The following USP13 variants were observed in gnomAD, a reference collection of about 807,000 sequenced individuals.
The protein encoded by USP13 is ubiquitin carboxyl-terminal hydrolase 13.
In USP13, 68 loss-of-function variants were observed where a neutral mutation model predicts 107.8. The ratio of observed to expected loss-of-function variants is 0.63; its 90% confidence interval spans 0.52 to 0.77. USP13 has a LOEUF of 0.77. Among genes scored for constraint, USP13 ranks in the 30% least tolerant of loss-of-function variants. The pLI, the probability that USP13 is intolerant of heterozygous loss-of-function variation, is 0.00. For missense variants in USP13, 945 were observed against 1,093.3 expected (o/e 0.86, Z 1.91); for synonymous variants, 377 against 389.5 (o/e 0.97, Z 0.38).
At chr3:179,724,704 A>G (rs1713452219) in intron 8 of USP13, among the ~76,000 whole-genome samples, 1 of 152,254 alleles carries the variant, frequency 6.6e-6, no homozygotes, top group Admixed American at 6.5e-5. Flanking sequence ...GTAGATTGCT[A>G]GATAGCAAAA....
At position 179,721,362 on chromosome 3, in the gene USP13, T is replaced by A; in HGVS notation, c.901-40T>A. 6.3e-7 allele frequency: 1 copy of A among 1,591,356 alleles called. No homozygotes were observed. The highest frequency in any genetic ancestry group is 8.6e-7 in the Non-Finnish European group (1 of 1,166,310). On this transcript the variant is annotated intron_variant, in intron 7 of 20. Transcript: ENST00000263966. The surrounding 1 kb of genome is among the most constrained non-coding windows in gnomAD (Gnocchi z 4.3). ...ACGGGACATGACCTTTGAATGGGAA[T>A]CACATTTAAAGTTGTTTTTCTTCGA...
At chr3:179,714,686 G>A (rs528322126) in intron 6 of USP13, among the ~76,000 whole-genome samples, 1 of 152,208 alleles carries the variant, frequency 6.6e-6, no homozygotes, top group East Asian at 1.9e-4. Context: ...CCAGGAGTTT[G>A]AGACCAGCCT....
chr3:179,674,854 A>G (rs1012580334), intron 1 of USP13, among the ~76,000 whole-genome samples: 2 of 151,994 alleles, frequency 1.3e-5, no homozygotes, highest in South Asian at 4.1e-4. Flanking sequence ...GGTTGTGAGG[A>G]TGTGATGGTT....
At chr3:179,712,940 T>C (rs1712981561) in intron 6 of USP13, among the ~76,000 whole-genome samples, 1 of 152,196 alleles carries the variant, frequency 6.6e-6, no homozygotes, top group African/African-American at 2.4e-5. Flanking sequence ...CTGAATATTT[T>C]TCTTAGTATT....
chr3:179,746,818 G>A (rs1453890659), intron 13 of USP13, among the ~76,000 whole-genome samples: 1 of 152,086 alleles, frequency 6.6e-6, no homozygotes, highest in African/African-American at 2.4e-5. Context: ...GCCCTCCTCA[G>A]CCTCCCAAAG....
Position 179,783,186 on chromosome 3 carries a change from A to G in USP13, c.2499-862A>G, listed in dbSNP as rs79959470. ...GCTTAATTATAATTTTAAAAGCAAT[A>G]AAATTCATAGTAAATAATTTATAAA... On this transcript the variant is annotated intron_variant, in intron 20 of 20. Coordinates refer to ENST00000263966, the MANE Select transcript of USP13 (RefSeq NM_003940.3). 3.9e-3 allele frequency among the ~76,000 whole-genome samples: 598 copies of G among 152,332 alleles called. 14 individuals carry two copies. In the East Asian group the frequency reaches 0.044, roughly 11 times the overall value.
chr3:179,676,657 A>G (rs1389300280), intron 1 of USP13, among the ~76,000 whole-genome samples: 1 of 152,178 alleles, frequency 6.6e-6, no homozygotes, highest in Non-Finnish European at 1.5e-5. Context: ...TTTAGGTATT[A>G]ATAGGGCAAG....
intron 6 of USP13, among the ~76,000 whole-genome samples, chr3:179,717,428 A>G (rs1713146655): frequency 6.6e-6 from 1 of 152,198 alleles, no homozygotes; most frequent in Non-Finnish European, 1.5e-5. Flanking sequence ...TGGAGCAGTT[A>G]ATGGCTGGAG....
At chr3:179,713,671 T>C (rs967285800) in intron 6 of USP13, among the ~76,000 whole-genome samples, 17 of 152,290 alleles carry the variant, frequency 1.1e-4, no homozygotes, top group African/African-American at 3.1e-4. Context: ...GAGCCACAAC[T>C]GCCAGTAAGT....
At chr3:179,681,760 T>C in intron 1 of USP13, 118 bp from the exon 2 acceptor site, 1 of 1,324,754 alleles carries the variant, frequency 7.5e-7, no homozygotes, top group Admixed American at 2.2e-5. Flanking sequence ...AGCAGGAGCC[T>C]CGGTGGCCCT....
intron 3 of USP13, among the ~76,000 whole-genome samples, chr3:179,693,726 T>C (rs560965239): frequency 9.9e-5 from 15 of 152,118 alleles, no homozygotes; most frequent in Non-Finnish European, 2.2e-4. Context: ...CAGGTTGGTG[T>C]GTAGTGGTGT....
At chr3:179,754,707 G>A (rs1714726258) in intron 14 of USP13, 25 bp from the exon 15 acceptor site, 3 of 1,609,228 alleles carry the variant, frequency 1.9e-6, no homozygotes, top group Non-Finnish European at 2.5e-6. Flanking sequence ...AGAGCCCAGT[G>A]GATATAATCT....
intron 19 of USP13, among the ~76,000 whole-genome samples, chr3:179,776,579 T>G (rs1715546366): frequency 1.3e-5 from 2 of 151,940 alleles, no homozygotes; most frequent in Admixed American, 6.5e-5. Context: ...GGAGGAGAAA[T>G]GTTAGTTTCA....
chr3:179,782,991 C>T (rs528625619), intron 20 of USP13, among the ~76,000 whole-genome samples: 3 of 152,222 alleles, frequency 2.0e-5, no homozygotes, highest in African/African-American at 4.8e-5. Context: ...GTGATCCACC[C>T]GCCTTGGCCT....
intron 19 of USP13, among the ~76,000 whole-genome samples, chr3:179,775,905 A>G (rs1217913831): frequency 6.6e-6 from 1 of 151,898 alleles, no homozygotes; most frequent in African/African-American, 2.4e-5. Flanking sequence ...AGCTGGCTCC[A>G]CTCTCAGCCA....
intron 1 of USP13, among the ~76,000 whole-genome samples, chr3:179,673,443 A>G (rs999351956): frequency 7.2e-5 from 11 of 152,180 alleles, no homozygotes; most frequent in African/African-American, 2.2e-4. Context: ...GGATTCAGCA[A>G]TAAATGATAC....
intron 15 of USP13, 73 bp from the exon 16 acceptor site, chr3:179,756,979 A>C (rs3732992): frequency 1.3e-6 from 2 of 1,542,038 alleles, no homozygotes; most frequent in Non-Finnish European, 1.8e-6. Flanking sequence ...GCCCTGGATC[A>C]ATGGGTTTTC....
intron 16 of USP13, among the ~76,000 whole-genome samples, chr3:179,757,350 C>T (rs545023461): frequency 6.6e-6 from 1 of 152,158 alleles, no homozygotes; most frequent in Admixed American, 6.5e-5. Flanking sequence ...AATTTACTTA[C>T]CTTCTCTGAG....
chr3:179,678,069 G>A lies in USP13; in HGVS notation c.169-3809G>A, dbSNP rs1475629943. On this transcript the variant is annotated intron_variant, in intron 1 of 20. Coordinates refer to ENST00000263966, the MANE Select transcript of USP13 (RefSeq NM_003940.3). The surrounding 1 kb of genome is among the most constrained non-coding windows in gnomAD (Gnocchi z 4.2). ...TTATAGAGGAGAACACTGGAGCTCA[G>A]AGCCCTATATGGCAGCCTGCCTTAG... 6.6e-6 allele frequency among the ~76,000 whole-genome samples: 1 copy of A among 152,146 alleles called. No individual in the cohort carries two copies. Among genetic ancestry groups the A allele is most frequent in the Admixed American group, 6.5e-5 (1 of 15,274 alleles).
Sources: gnomAD v4.1 joint callset for allele counts (sites outside exome capture counted in the v4.1 genomes callset) on GRCh38, gnomAD v4.1.1 for gene constraint, Gnocchi (gnomAD v3.1) non-coding constraint, MANE v1.5 for transcripts, NCBI Gene and HGNC (gene_info 2026-07-23, HGNC 2026-07-21) for gene names.